NXPE3: variants seen among roughly 807,000 people sequenced by gnomAD.
NXPE3 encodes the protein NXPE family member 3.
Under a neutral mutation model 46.1 loss-of-function variants are expected in NXPE3, and 26 were observed. That is an observed-to-expected ratio of 0.56 (90% CI 0.41 to 0.78). The LOEUF (loss-of-function observed/expected upper bound fraction) is 0.78. Ranked by LOEUF, NXPE3 falls within the 30% of genes least tolerant of loss-of-function variation. NXPE3 has a pLI of 0.00. For synonymous variants in NXPE3, 272 were observed against 257.9 expected, an observed-to-expected ratio of 1.05 and a Z score of -0.52; for missense variants, 620 against 686.0, an observed-to-expected ratio of 0.90 and a Z score of 1.07.
At chr3:101,785,138 A>T (rs1940077727) in intron 3 of NXPE3, among the ~76,000 whole-genome samples, 1 of 152,246 alleles carries the variant, frequency 6.6e-6, no homozygotes, top group Non-Finnish European at 1.5e-5. Context: ...GTTTGAAGAC[A>T]TACTTCCTTA....
At chr3:101,818,521 AT>A (rs1417479370) in intron 7 of NXPE3, among the ~76,000 whole-genome samples, 3 of 151,822 alleles carry the variant, frequency 2.0e-5, no homozygotes, top group African/African-American at 7.2e-5. Flanking sequence ...TTACAGACAT[AT>A]CTTCACCTGA....
intron 3 of NXPE3, among the ~76,000 whole-genome samples, chr3:101,784,730 G>C (rs1343634258): frequency 2.0e-5 from 3 of 152,186 alleles, no homozygotes; most frequent in Admixed American, 6.5e-5. Context: ...TCTAGCAGGT[G>C]TGATGAAGGA....
At chr3:101,798,439 C>A (rs998675060) in intron 4 of NXPE3, among the ~76,000 whole-genome samples, 1 of 151,688 alleles carries the variant, frequency 6.6e-6, no homozygotes, top group East Asian at 1.9e-4. Flanking sequence ...GGCTAGAGTG[C>A]GGTGGCACAG....
Position 101,821,840 on chromosome 3 carries a change from T to C in NXPE3, c.1566T>C (p.Asp522=), listed in dbSNP as rs761918137. The C allele has an allele frequency of 5.0e-6, 8 of 1,614,188 alleles. No homozygotes were observed. The highest frequency in any genetic ancestry group is 6.8e-6 in the Non-Finnish European group (8 of 1,180,024). The stretch of plus-strand genomic sequence containing the variant: ...CAGGGGTTGGAGTATATCTCGTCGA[T>C]GCCTGGGAGATGACCCTGGCCCATT... ...MFSGVGVYLV[D]AWEMTLAHYL... The change falls in exon 8 of 8, where the codon GAT becomes GAC. Residue 522 remains aspartate, a synonymous_variant. Coordinates refer to ENST00000273347, the MANE Select transcript of NXPE3 (RefSeq NM_145037.4).
chr3:101,782,649 T>G lies in NXPE3; in HGVS notation c.-316-11T>G, dbSNP rs554397500. The G allele has an allele frequency of 6.6e-6, 1 of 152,190 alleles. No individual in the cohort carries two copies. Among genetic ancestry groups the G allele is most frequent in the Non-Finnish European group, 1.5e-5 (1 of 68,038 alleles). The allele number at this position is 152,190 out of a possible 1,614,324, so 9.4% of individuals were successfully genotyped here. A position where few individuals can be genotyped will look rare whatever the true frequency, so the allele number is the denominator to read the frequency against. On this transcript the variant is annotated splice_polypyrimidine_tract_variant and intron_variant, in intron 2 of 7. Transcript: ENST00000273347. Reference sequence around the variant, plus strand: ...TTATTCTTTATTTTATTTCATTTTTTTTTGAGACAGAGTCCTGCTCTGTTG... The same window carrying G: ...TTATTCTTTATTTTATTTCATTTTTGTTTGAGACAGAGTCCTGCTCTGTTG...
Position 101,828,124 on chromosome 3 carries a change from C to A in NXPE3, c.*6170C>A, listed in dbSNP as rs115429575. On this transcript the variant is annotated 3_prime_UTR_variant, in exon 8 of 8. Transcript: ENST00000273347. ...GTACTTGGGTTATTATCGCTGATTA[C>A]AGCTGGAAACAATTGATTTGCTCTT... 1 of 152,330 alleles carries A rather than the reference C, an allele frequency of 6.6e-6. No homozygotes were observed. Among genetic ancestry groups the A allele is most frequent in the African/African-American group, 2.4e-5 (1 of 41,570 alleles). The allele number at this position is 152,330 out of a possible 1,614,324, so 9.4% of individuals were successfully genotyped here.
chr3:101,780,977 A>T (rs1360308766), intron 1 of NXPE3, among the ~76,000 whole-genome samples: 1 of 152,202 alleles, frequency 6.6e-6, no homozygotes, highest in Non-Finnish European at 1.5e-5. Context: ...CATCATTGTT[A>T]GGGTCCTGGA....
At chr3:101,803,297 G>A (rs1273313855) in intron 5 of NXPE3, among the ~76,000 whole-genome samples, 1 of 152,090 alleles carries the variant, frequency 6.6e-6, no homozygotes, top group African/African-American at 2.4e-5. Context: ...CCACCCTGAA[G>A]TCAGCTTTTG....
At chr3:101,807,012 G>A (rs1456907970) in intron 5 of NXPE3, 41 bp from the exon 6 acceptor site, 6 of 1,350,186 alleles carry the variant, frequency 4.4e-6, no homozygotes, top group Admixed American at 3.5e-5. Flanking sequence ...GAAAATAAAT[G>A]TTCCTGAACC....
Position 101,794,709 on chromosome 3 carries a change from G to A in NXPE3, c.94-6526G>A, listed in dbSNP as rs28735340. 1.6e-3 allele frequency among the ~76,000 whole-genome samples: 247 copies of A among 152,072 alleles called. 3 individuals carry two copies. The highest frequency in any genetic ancestry group is 5.7e-3 in the African/African-American group (237 of 41,480). ...TGTGTAGTTCTTGGGTAGAGAAGGA[G>A]GAAGGTAAAGGGAGAGACAGAGAGA... On this transcript the variant is annotated intron_variant, in intron 4 of 7. Transcript: ENST00000273347.
At chr3:101,779,674 A>G (rs1939702042) in intron 1 of NXPE3, 1 of 152,638 alleles carries the variant, frequency 6.6e-6, no homozygotes, top group African/African-American at 2.4e-5. Flanking sequence ...ACTTGCGGCA[A>G]CGCCACAGCT....
rs755032069 is a variant in NXPE3 at position 101,821,591 on chromosome 3, G to T, written c.1317G>T (p.Val439=). ...LNGIVGGKNT[V]VAIAVWSHFS... Reference sequence around the variant, plus strand: ...GCATTGTGGGAGGGAAGAACACAGTGGTTGCCATAGCTGTATGGTCTCACT... The same window carrying T: ...GCATTGTGGGAGGGAAGAACACAGTTGTTGCCATAGCTGTATGGTCTCACT... The change falls in exon 8 of 8, where the codon GTG becomes GTT. Residue 439 remains valine (V), a synonymous_variant. Coordinates refer to ENST00000273347, the MANE Select transcript of NXPE3 (RefSeq NM_145037.4). The T allele has an allele frequency of 1.2e-6, 2 of 1,614,188 alleles. No individual in the cohort carries two copies. Among genetic ancestry groups the T allele is most frequent in the South Asian group, 2.2e-5 (2 of 91,084 alleles).
intron 7 of NXPE3, among the ~76,000 whole-genome samples, chr3:101,820,672 T>G (rs1328451064): frequency 6.6e-6 from 1 of 152,224 alleles, no homozygotes; most frequent in Admixed American, 6.5e-5. Context: ...GTGGTACATA[T>G]GTACCATGGA....
chr3:101,800,651 T>C (rs1576752068), intron 4 of NXPE3, among the ~76,000 whole-genome samples: 3 of 152,204 alleles, frequency 2.0e-5, no homozygotes, highest in Non-Finnish European at 4.4e-5. Flanking sequence ...TCCATTAGTT[T>C]TTGCCTCACA....
chr3:101,785,366 C>A (rs1560035764), intron 3 of NXPE3, 36 bp from the exon 4 acceptor site: 11 of 487,214 alleles, frequency 2.3e-5, no homozygotes, highest in Non-Finnish European at 4.2e-5. Context: ...TAGGCCATTG[C>A]AATTGGTGAT....
At chr3:101,792,349 T>G (rs1322308227) in intron 4 of NXPE3, among the ~76,000 whole-genome samples, 2 of 152,192 alleles carry the variant, frequency 1.3e-5, no homozygotes, top group African/African-American at 4.8e-5. Flanking sequence ...TTCCTATGTC[T>G]GGGATGGTAT....
chr3:101,780,828 G>C (rs1422963170), intron 1 of NXPE3, among the ~76,000 whole-genome samples: 4 of 152,228 alleles, frequency 2.6e-5, no homozygotes, highest in African/African-American at 7.2e-5. Flanking sequence ...AGAAGGGCAA[G>C]GGAAGGTCCA....
chr3:101,785,228 C>T (rs1275621936), intron 3 of NXPE3, among the ~76,000 whole-genome samples, 174 bp from the exon 4 acceptor site: 1 of 152,122 alleles, frequency 6.6e-6, no homozygotes, highest in East Asian at 1.9e-4. Context: ...GGAAAGGAAA[C>T]TTTGAGGAGA....
intron 4 of NXPE3, among the ~76,000 whole-genome samples, chr3:101,794,970 G>T (rs1940741437): frequency 6.6e-6 from 1 of 152,174 alleles, no homozygotes; most frequent in Non-Finnish European, 1.5e-5. Context: ...AGTGGAGTGA[G>T]CTATAAGCAT....
Sources: allele counts gnomAD v4.1 joint callset (sites outside exome capture counted in the v4.1 genomes callset), GRCh38; gene constraint gnomAD v4.1.1; transcripts MANE v1.5; gene names NCBI Gene and HGNC (gene_info 2026-07-23, HGNC 2026-07-21).